STK24: variants seen among roughly 807,000 people sequenced by gnomAD.
STK24 encodes the protein serine/threonine kinase 24, also known as serine/threonine-protein kinase 24.
In STK24, 21 loss-of-function variants were observed where a neutral mutation model predicts 55.6. That is an observed-to-expected ratio of 0.38 (90% CI 0.27 to 0.54). The LOEUF is 0.54. Among genes scored for constraint, STK24 ranks in the 20% least tolerant of loss-of-function variants. STK24 has a pLI of 0.79. For synonymous variants in STK24, 200 were observed against 215.2 expected (o/e 0.93, Z 0.62); for missense variants, 383 against 538.4 (o/e 0.71, Z 2.86).
chr13:98,477,902 T>C (rs1894438873), intron 3 of STK24, among the ~76,000 whole-genome samples: 1 of 152,074 alleles, frequency 6.6e-6, no homozygotes, highest in African/African-American at 2.4e-5. Flanking sequence ...CTCCCCTGGA[T>C]AATTAAGGGC....
At chr13:98,576,652 C>T in intron 1 of STK24, 93 bp downstream of exon 1, 1 of 1,155,884 alleles carries the variant, frequency 8.7e-7, no homozygotes, top group Non-Finnish European at 1.2e-6. Context: ...CGACCCCGGC[C>T]GGCTGAGCGT....
At chr13:98,562,167 T>G (rs1333998654) in intron 1 of STK24, among the ~76,000 whole-genome samples, 1 of 152,054 alleles carries the variant, frequency 6.6e-6, no homozygotes, top group Non-Finnish European at 1.5e-5. Flanking sequence ...CTTAAGGAAA[T>G]GTGTGTACGC....
intron 3 of STK24, among the ~76,000 whole-genome samples, chr13:98,479,915 C>T (rs1251729355): frequency 1.3e-5 from 2 of 150,068 alleles, no homozygotes; most frequent in Non-Finnish European, 2.9e-5. Flanking sequence ...GAGGACACTG[C>T]GGGGTCAAGG....
At chr13:98,474,433 G>A (rs375753570) in intron 5 of STK24, among the ~76,000 whole-genome samples, 16 of 152,158 alleles carry the variant, frequency 1.1e-4, no homozygotes, top group African/African-American at 3.4e-4. Context: ...CCGATTCCAC[G>A]CACTTGCACT....
At chr13:98,546,404 C>T (rs1897030006) in intron 1 of STK24, among the ~76,000 whole-genome samples, 1 of 152,108 alleles carries the variant, frequency 6.6e-6, no homozygotes, top group African/African-American at 2.4e-5. Context: ...CTTTAAAAGC[C>T]TTTTTTATAA....
intron 1 of STK24, among the ~76,000 whole-genome samples, chr13:98,553,945 T>G (rs901000147): frequency 6.6e-6 from 1 of 151,732 alleles, no homozygotes; most frequent in Non-Finnish European, 1.5e-5. Flanking sequence ...GCCTGTTATC[T>G]CAGCTACTCC....
intron 3 of STK24, among the ~76,000 whole-genome samples, chr13:98,477,358 T>A (rs1352592170): frequency 1.3e-5 from 2 of 152,114 alleles, no homozygotes; most frequent in East Asian, 3.9e-4. Flanking sequence ...TGCAGGAGAA[T>A]CCAGTCGACC....
chr13:98,497,176 G>C (rs1018588697), intron 2 of STK24, among the ~76,000 whole-genome samples: 1 of 152,004 alleles, frequency 6.6e-6, no homozygotes, highest in South Asian at 2.1e-4. Context: ...TTTCCTCACC[G>C]CCTTCCTCTG....
chr13:98,483,473 C>A (rs762914097), intron 2 of STK24, among the ~76,000 whole-genome samples: 2 of 152,152 alleles, frequency 1.3e-5, no homozygotes, highest in African/African-American at 2.4e-5. Flanking sequence ...TTAGAACACC[C>A]AAGGAAGACC....
At chr13:98,539,747 G>T (rs979153802) in intron 1 of STK24, among the ~76,000 whole-genome samples, 1 of 152,134 alleles carries the variant, frequency 6.6e-6, no homozygotes, top group Non-Finnish European at 1.5e-5. Context: ...GCAAAATGAC[G>T]TGGCCACTTC....
At chr13:98,466,710 G>A (rs1893938082) in intron 5 of STK24, 149 bp from the exon 6 acceptor site, 4 of 908,592 alleles carry the variant, frequency 4.4e-6, no homozygotes, top group Admixed American at 3.1e-5. Flanking sequence ...AGCCCTCGCT[G>A]TAATTTCAAA....
chr13:98,517,214 G>A (rs750603671), intron 2 of STK24, among the ~76,000 whole-genome samples: 1 of 152,154 alleles, frequency 6.6e-6, no homozygotes, highest in African/African-American at 2.4e-5. Flanking sequence ...CAAACCACAC[G>A]AAATCCAACT....
At chr13:98,542,940 A>T in intron 1 of STK24, 1 of 985,362 alleles carries the variant, frequency 1.0e-6, no homozygotes, top group Non-Finnish European at 1.2e-6. Flanking sequence ...ATTTGTGGAG[A>T]CGATGGGACG....
At chr13:98,568,368 C>T (rs1351538837) in intron 1 of STK24, among the ~76,000 whole-genome samples, 7 of 152,060 alleles carry the variant, frequency 4.6e-5, no homozygotes, top group African/African-American at 7.2e-5. Flanking sequence ...GTCCCTCTGC[C>T]GGGGGAATGA....
At chr13:98,533,392 C>T (rs1391089842) in intron 1 of STK24, among the ~76,000 whole-genome samples, 2 of 151,096 alleles carry the variant, frequency 1.3e-5, no homozygotes, top group Non-Finnish European at 2.9e-5. Flanking sequence ...CCTAAATCTC[C>T]TAAAGATTAA....
chr13:98,552,611 T>G (rs1897183494), intron 1 of STK24, among the ~76,000 whole-genome samples: 1 of 152,018 alleles, frequency 6.6e-6, no homozygotes, highest in Non-Finnish European at 1.5e-5. Context: ...AACTGCCCAT[T>G]AGAATCTGAC....
chr13:98,457,266 C>G lies in STK24; in HGVS notation c.1161G>C (p.Gly387=), dbSNP rs761627645. Residue 387 remains glycine (G), a synonymous_variant, in exon 10 of 11, where the codon GGG becomes GGC. Coordinates refer to ENST00000539966, the MANE Select transcript of STK24 (RefSeq NM_001032296.4). ...TGGCCCCTCGCAGCTCTTCAATGGA[C>G]CCCAAGTTCCCTCCGCACGCCTGGC... is the stretch of plus-strand genomic sequence containing the variant. ...EKSQACGGNL[G]SIEELRGAIY... 1 of 1,613,818 alleles carries G rather than the reference C, an allele frequency of 6.2e-7. No homozygotes were observed. The highest frequency in any genetic ancestry group is 2.2e-5 in the East Asian group (1 of 44,882).
intron 1 of STK24, among the ~76,000 whole-genome samples, chr13:98,528,441 G>A (rs896143784): frequency 9.2e-5 from 14 of 152,140 alleles, no homozygotes; most frequent in Non-Finnish European, 1.6e-4. Flanking sequence ...CCAGGGTTCC[G>A]GCTCCTTTGA....
rs150039711 is a variant in STK24 at position 98,559,815 on chromosome 13, G to A, written c.42+16930C>T. On this transcript the variant is annotated intron_variant, in intron 1 of 10. Coordinates refer to ENST00000539966, the MANE Select transcript of STK24 (RefSeq NM_001032296.4). Reference sequence around the variant, plus strand: ...AAATGAGTTCCAGCAAAATTCAGGAGCACTAACTTCTCATATCTCATATCA... The same window carrying A: ...AAATGAGTTCCAGCAAAATTCAGGAACACTAACTTCTCATATCTCATATCA... 2.6e-4 allele frequency among the ~76,000 whole-genome samples: 39 copies of A among 151,596 alleles called. 1 individual carries two copies. The highest frequency in any genetic ancestry group is 9.2e-4 in the African/African-American group (38 of 41,304).
Sources: gnomAD v4.1 joint callset for allele counts (sites outside exome capture counted in the v4.1 genomes callset) on GRCh38, gnomAD v4.1.1 for gene constraint, MANE v1.5 for transcripts, NCBI Gene and HGNC (gene_info 2026-07-23, HGNC 2026-07-21) for gene names.